CCNY: variants seen among roughly 807,000 people sequenced by gnomAD.
CCNY encodes cyclin Y.
Under a neutral mutation model 42.8 loss-of-function variants are expected in CCNY, and 19 were observed. The observed-to-expected ratio is 0.44, with a 90% CI of 0.31 to 0.65. CCNY has a LOEUF of 0.65. Ranked by LOEUF, CCNY falls within the 30% of genes least tolerant of loss-of-function variation. The pLI is 0.07. For missense variants in CCNY, 370 were observed against 437.3 expected, an observed-to-expected ratio of 0.85 and a Z score of 1.37; for synonymous variants, 165 against 162.7, an observed-to-expected ratio of 1.01 and a Z score of -0.11.
At chr10:35,339,546 A>G (rs1276472315) in intron 1 of CCNY, among the ~76,000 whole-genome samples, 2 of 152,230 alleles carry the variant, frequency 1.3e-5, no homozygotes, top group African/African-American at 4.8e-5. Context: ...ACATTTTAAG[A>G]ATCATTGACT....
At chr10:35,396,537 C>G (rs1229477668) in intron 1 of CCNY, among the ~76,000 whole-genome samples, 3 of 152,260 alleles carry the variant, frequency 2.0e-5, no homozygotes, top group Non-Finnish European at 4.4e-5. Context: ...CCCCGATGTT[C>G]TCACTGACTC....
At chr10:35,503,620 G>T (rs899587744) in intron 3 of CCNY, among the ~76,000 whole-genome samples, 1 of 152,176 alleles carries the variant, frequency 6.6e-6, no homozygotes. Context: ...ATAATAATCG[G>T]TCCCATCTGC....
intron 1 of CCNY, among the ~76,000 whole-genome samples, chr10:35,341,997 A>G (rs946173585): frequency 6.6e-6 from 1 of 152,202 alleles, no homozygotes; most frequent in Non-Finnish European, 1.5e-5. Flanking sequence ...AACATCTGCA[A>G]TTATGAACAT....
chr10:35,421,028 A>C (rs991613816), intron 1 of CCNY, among the ~76,000 whole-genome samples: 5 of 152,208 alleles, frequency 3.3e-5, no homozygotes, highest in Non-Finnish European at 7.3e-5. Flanking sequence ...CAGCCAGCCC[A>C]GTGGATAGGC....
At chr10:35,326,624 T>TGTG (rs758553194) in intron 3 of CCNY, among the ~76,000 whole-genome samples, 8 of 151,704 alleles carry the variant, frequency 5.3e-5, no homozygotes, top group African/African-American at 9.7e-5. Context: ...CTAGGCCGGG[T>TGTG]GTGGTGGCTC....
intron 7 of CCNY, among the ~76,000 whole-genome samples, chr10:35,538,940 T>C (rs1228943631): frequency 1.3e-5 from 2 of 152,196 alleles, no homozygotes; most frequent in Non-Finnish European, 2.9e-5. Context: ...CTATCATTCA[T>C]TTTGAGCTAA....
chr10:35,534,901 T>G lies in CCNY; in HGVS notation c.579+4658T>G, dbSNP rs114861210. Among the ~76,000 whole-genome samples, 1,019 of 151,708 alleles carry G rather than the reference T, an allele frequency of 6.7e-3. 11 individuals carry two copies. Among genetic ancestry groups the G allele is most frequent in the African/African-American group, 0.024 (972 of 41,338 alleles). On this transcript the variant is annotated intron_variant, in intron 7 of 9. Coordinates refer to ENST00000374704, the MANE Select transcript of CCNY (RefSeq NM_145012.6). Reference sequence around the variant, plus strand: ...TTTGGGATTCATCCATGTTGTAGCATGTATAGTATGTCCTTTTTTATTGCA... The same window carrying G: ...TTTGGGATTCATCCATGTTGTAGCAGGTATAGTATGTCCTTTTTTATTGCA...
chr10:35,304,046 C>G (rs1835571755), intron 3 of CCNY, among the ~76,000 whole-genome samples: 1 of 152,106 alleles, frequency 6.6e-6, no homozygotes, highest in Non-Finnish European at 1.5e-5. Flanking sequence ...TGGGTGCTAG[C>G]CACATGCTCC....
intron 3 of CCNY, among the ~76,000 whole-genome samples, chr10:35,320,239 G>C (rs1250688179): frequency 1.3e-5 from 2 of 152,068 alleles, no homozygotes; most frequent in Non-Finnish European, 2.9e-5. Context: ...TTGGCAAACT[G>C]AATTCAGCAA....
chr10:35,375,145 C>T (rs1043854672), intron 1 of CCNY, among the ~76,000 whole-genome samples: 6 of 151,878 alleles, frequency 4.0e-5, no homozygotes, highest in African/African-American at 9.7e-5. Flanking sequence ...GAGTTGGTGG[C>T]GTAAACAACA....
chr10:35,558,767 A>G (rs1426016300), intron 8 of CCNY, among the ~76,000 whole-genome samples: 1 of 152,122 alleles, frequency 6.6e-6, no homozygotes, highest in Non-Finnish European at 1.5e-5. Flanking sequence ...GAAGAAACCA[A>G]CCCCACTAAC....
intron 3 of CCNY, among the ~76,000 whole-genome samples, chr10:35,289,042 T>C (rs1207887168): frequency 9.9e-5 from 15 of 152,200 alleles, no homozygotes; most frequent in Admixed American, 7.2e-4. Context: ...TGTCTTCTAG[T>C]TCATGAACAT....
intron 3 of CCNY, among the ~76,000 whole-genome samples, chr10:35,286,971 G>A (rs150586630): frequency 5.9e-5 from 9 of 152,290 alleles, no homozygotes; most frequent in Admixed American, 3.3e-4. Context: ...AATTTTTGAA[G>A]GTGTCCTTTC....
chr10:35,501,514 C>T lies in CCNY; in HGVS notation c.243C>T (p.Arg81=), dbSNP rs752860617. ...TTGTTTTCACAGTGAGAGAAAAACG[C>T]AAGAGTCTCTTCATTAACCATGTAA... ...SKSQTDVREK[R]KSLFINHHPP... The change falls in exon 3 of 10, where the codon CGC becomes CGT. Residue 81 remains arginine, a synonymous_variant. Coordinates refer to ENST00000374704, the MANE Select transcript of CCNY (RefSeq NM_145012.6). 6.2e-7 allele frequency: 1 copy of T among 1,613,774 alleles called. No homozygotes were observed. Among genetic ancestry groups the T allele is most frequent in the African/African-American group, 1.3e-5 (1 of 74,896 alleles).
chr10:35,425,200 C>T (rs1169999081), intron 1 of CCNY, among the ~76,000 whole-genome samples: 1 of 152,224 alleles, frequency 6.6e-6, no homozygotes, highest in African/African-American at 2.4e-5. Context: ...TTGCAGTTCC[C>T]ATTTCCCACA....
chr10:35,485,333 C>G (rs1839760516), intron 2 of CCNY, among the ~76,000 whole-genome samples: 1 of 152,210 alleles, frequency 6.6e-6, no homozygotes, highest in South Asian at 2.1e-4. Flanking sequence ...TTTTTAAAAA[C>G]TTTTTGGCCT....
At chr10:35,361,513 G>C (rs1035531519) in intron 1 of CCNY, among the ~76,000 whole-genome samples, 4 of 152,014 alleles carry the variant, frequency 2.6e-5, no homozygotes, top group African/African-American at 9.7e-5. Flanking sequence ...GTTTGCCTGT[G>C]GGGGGCATTT....
chr10:35,534,432 C>T (rs946588421), intron 7 of CCNY, among the ~76,000 whole-genome samples: 3 of 152,102 alleles, frequency 2.0e-5, no homozygotes, highest in Non-Finnish European at 2.9e-5. Flanking sequence ...TGTAGAGCCA[C>T]AGCAATGGGA....
At chr10:35,307,833 T>TC (rs1491195840) in intron 3 of CCNY, among the ~76,000 whole-genome samples, 12 of 122,278 alleles carry the variant, frequency 9.8e-5, no homozygotes, top group Admixed American at 1.7e-4. Flanking sequence ...TTTTTTTTTT[T>TC]CTGAGATGGA....
Sources: gnomAD v4.1 joint callset for allele counts (sites outside exome capture counted in the v4.1 genomes callset) on GRCh38, gnomAD v4.1.1 for gene constraint, MANE v1.5 for transcripts, NCBI Gene and HGNC (gene_info 2026-07-23, HGNC 2026-07-21) for gene names.